The following KCNJ6 variants were observed in gnomAD, a reference collection of about 807,000 sequenced individuals.
KCNJ6 encodes potassium inwardly rectifying channel subfamily J member 6, also known as G protein-activated inward rectifier potassium channel 2.
KCNJ6 carries 9 observed loss-of-function variants against 34.2 expected under a neutral mutation model. The observed-to-expected ratio is 0.26, with a 90% confidence interval of 0.16 to 0.46. The LOEUF (loss-of-function observed/expected upper bound fraction) is 0.46. Among genes scored for constraint, KCNJ6 ranks in the 20% least tolerant of loss-of-function variants. The pLI is 1.00. For synonymous variants in KCNJ6, 196 were observed against 207.1 expected, an observed-to-expected ratio of 0.95 and a Z score of 0.46; for missense variants, 236 against 531.3, an observed-to-expected ratio of 0.44 and a Z score of 5.46.
At chr21:37,686,156 C>A (rs1047275563) in intron 3 of KCNJ6, among the ~76,000 whole-genome samples, 7 of 152,102 alleles carry the variant, frequency 4.6e-5, no homozygotes, top group African/African-American at 1.7e-4. Context: ...AATGTAAAAA[C>A]ACCCAAATTA....
At chr21:37,708,380 T>C (rs960574762) in intron 3 of KCNJ6, among the ~76,000 whole-genome samples, 1 of 152,180 alleles carries the variant, frequency 6.6e-6, no homozygotes, top group Non-Finnish European at 1.5e-5. Flanking sequence ...ATAGAGAGTT[T>C]ACCATATTTG....
intron 3 of KCNJ6, among the ~76,000 whole-genome samples, chr21:37,684,066 G>T (rs2054602314): frequency 6.6e-6 from 1 of 152,238 alleles, no homozygotes; most frequent in African/African-American, 2.4e-5. Context: ...CCCTATAATT[G>T]TTGTCTGAGT....
At chr21:37,875,229 T>G (rs1717095665) in intron 1 of KCNJ6, among the ~76,000 whole-genome samples, 1 of 152,188 alleles carries the variant, frequency 6.6e-6, no homozygotes, top group Non-Finnish European at 1.5e-5. Context: ...CAGGCATTAT[T>G]TTTGTAAAAT....
In KCNJ6 at chr21:37,607,490, T is replaced by TC. The variant is rs2054228399; in HGVS notation, c.*17668_*17669insG. On this transcript the variant is annotated 3_prime_UTR_variant, in exon 4 of 4. Coordinates refer to ENST00000609713, the MANE Select transcript of KCNJ6 (RefSeq NM_002240.5). ...TATATATATATATATATATTTTTTT[T>TC]TTATTTTAAAAAAATTTGGCATTGT... 1.3e-5 allele frequency: 1 copy of TC among 79,990 alleles called. No homozygotes were observed. Among genetic ancestry groups the TC allele is most frequent in the Non-Finnish European group, 2.6e-5 (1 of 37,868 alleles). The allele number at this position is 79,990 out of a possible 1,614,324, so 5.0% of individuals were successfully genotyped here. A position where few individuals can be genotyped will look rare whatever the true frequency, so the allele number is the denominator to read the frequency against.
chr21:37,853,846 G>GTGTGTATATATATATATATATATA (rs71198897), intron 1 of KCNJ6, among the ~76,000 whole-genome samples: 55 of 115,946 alleles, frequency 4.7e-4, no homozygotes, highest in Middle Eastern at 4.6e-3. Context: ...ATATATATAT[G>GTGTGTATATATATATATATATATA]TATATATATA....
chr21:37,825,545 A>G (rs976416848), intron 2 of KCNJ6, among the ~76,000 whole-genome samples: 3 of 151,884 alleles, frequency 2.0e-5, no homozygotes, highest in Non-Finnish European at 4.4e-5. Context: ...TTCTCTTACT[A>G]TTTTCTTACT....
intron 3 of KCNJ6, among the ~76,000 whole-genome samples, chr21:37,653,378 C>T (rs2054442822): frequency 6.6e-6 from 1 of 152,116 alleles, no homozygotes; most frequent in Admixed American, 6.5e-5. Flanking sequence ...TAGTTGCCAT[C>T]AATGCTGGTG....
rs575336883 is a variant in KCNJ6, at chr21:37,619,131, T to C, written c.*6028A>G. ...TCACAATGATTTGTTACATTGTTAC[T>C]TTTTTTTCTTTCTCATCTGATTTCC... On this transcript the variant is annotated 3_prime_UTR_variant, in exon 4 of 4. Transcript: ENST00000609713. The C allele has an allele frequency of 1.3e-5, 2 of 152,244 alleles. No individual in the cohort carries two copies. The highest frequency in any genetic ancestry group is 4.1e-4 in the South Asian group (2 of 4,820). The allele number at this position is 152,244 out of a possible 1,614,324, so 9.4% of individuals were successfully genotyped here.
At chr21:37,782,324 G>A (rs2055173318) in intron 2 of KCNJ6, among the ~76,000 whole-genome samples, 2 of 152,146 alleles carry the variant, frequency 1.3e-5, no homozygotes, top group South Asian at 4.1e-4. Flanking sequence ...CAAAATTTTT[G>A]TTGCTTTAAT....
intron 3 of KCNJ6, among the ~76,000 whole-genome samples, chr21:37,709,585 T>C (rs1401462099): frequency 1.3e-5 from 2 of 152,156 alleles, no homozygotes; most frequent in Non-Finnish European, 2.9e-5. Flanking sequence ...CGAATCATCA[T>C]GAATCAGCAG....
intron 2 of KCNJ6, among the ~76,000 whole-genome samples, chr21:37,748,256 T>C (rs1431164630): frequency 6.6e-6 from 1 of 152,206 alleles, no homozygotes; most frequent in Admixed American, 6.5e-5. Context: ...TTGTGATGTA[T>C]CTTGCACCTG....
At chr21:37,734,967 G>C (rs2054905226) in intron 2 of KCNJ6, among the ~76,000 whole-genome samples, 1 of 152,142 alleles carries the variant, frequency 6.6e-6, no homozygotes, top group African/African-American at 2.4e-5. Context: ...GAACGTTGGA[G>C]ATGGGCACAC....
intron 1 of KCNJ6, among the ~76,000 whole-genome samples, chr21:37,868,216 A>G (rs890041818): frequency 1.3e-5 from 2 of 152,230 alleles, no homozygotes; most frequent in Non-Finnish European, 2.9e-5. Context: ...GGAGGGTAGC[A>G]CATTCTCCTA....
Position 37,695,443 on chromosome 21 carries a change from G to T in KCNJ6, c.946+18768C>A, listed in dbSNP as rs2054659721. On this transcript the variant is annotated intron_variant, in intron 3 of 3. Coordinates refer to ENST00000609713, the MANE Select transcript of KCNJ6 (RefSeq NM_002240.5). The surrounding 1 kb of genome is among the most constrained non-coding windows in gnomAD (Gnocchi z 4.2). ...TTTTACATTATGCAGCTCAATAAAAGTAGTGGGCTTCTAAGTGTAGGGTGG... is the reference window on the plus strand; with the variant it reads ...TTTTACATTATGCAGCTCAATAAAATTAGTGGGCTTCTAAGTGTAGGGTGG... Among the ~76,000 whole-genome samples the T allele has an allele frequency of 6.6e-6, 1 of 152,214 alleles. No homozygotes were observed.
chr21:37,618,045 G>C lies in KCNJ6; in HGVS notation c.*7114C>G, dbSNP rs1406133658. On this transcript the variant is annotated 3_prime_UTR_variant, in exon 4 of 4. Coordinates refer to ENST00000609713, the MANE Select transcript of KCNJ6 (RefSeq NM_002240.5). ...GACCTCAGTGGGTGGGCATGGCTGAGGATTTTGTTCTGCCCAAGTCTGAGC... is the reference window on the plus strand; with the variant it reads ...GACCTCAGTGGGTGGGCATGGCTGACGATTTTGTTCTGCCCAAGTCTGAGC... 1 of 152,348 alleles carries C rather than the reference G, an allele frequency of 6.6e-6. No individual in the cohort carries two copies. The highest frequency in any genetic ancestry group is 6.5e-5 in the Admixed American group (1 of 15,284). The allele number at this position is 152,348 out of a possible 1,614,324, so 9.4% of individuals were successfully genotyped here.
At chr21:37,725,206 A>G (rs1484282518) in intron 2 of KCNJ6, among the ~76,000 whole-genome samples, 1 of 152,226 alleles carries the variant, frequency 6.6e-6, no homozygotes, top group Non-Finnish European at 1.5e-5. Context: ...CAACCTGGCC[A>G]ACATAGTGAA....
intron 2 of KCNJ6, among the ~76,000 whole-genome samples, chr21:37,817,153 C>T (rs1411411453): frequency 2.6e-5 from 4 of 152,184 alleles, no homozygotes; most frequent in East Asian, 3.9e-4. Context: ...CCTGGTAATA[C>T]ACACAAAGCT....
chr21:37,610,567 C>G lies in KCNJ6; in HGVS notation c.*14592G>C, dbSNP rs1267086743. The G allele has an allele frequency of 7.5e-6, 1 of 132,838 alleles. No homozygotes were observed. Among genetic ancestry groups the G allele is most frequent in the Non-Finnish European group, 1.5e-5 (1 of 65,396 alleles). 8.2% of individuals were successfully genotyped at this position (132,838 alleles called of 1,614,324 possible). ...TGAGCCAAGATCATGCCACTCTACTCCAGCCTGGGCAACAGAGTGAGACTC... is the reference window on the plus strand; with the variant it reads ...TGAGCCAAGATCATGCCACTCTACTGCAGCCTGGGCAACAGAGTGAGACTC... On this transcript the variant is annotated 3_prime_UTR_variant, in exon 4 of 4. Coordinates refer to ENST00000609713, the MANE Select transcript of KCNJ6 (RefSeq NM_002240.5).
chr21:37,718,437 A>T (rs970244758), intron 2 of KCNJ6, among the ~76,000 whole-genome samples: 14 of 151,956 alleles, frequency 9.2e-5, no homozygotes, highest in Admixed American at 6.5e-4. Flanking sequence ...GAGCAAAGAC[A>T]GAGAAAAGAA....
Sources: allele counts gnomAD v4.1 joint callset (sites outside exome capture counted in the v4.1 genomes callset), GRCh38; gene constraint gnomAD v4.1.1; non-coding constraint Gnocchi (gnomAD v3.1); transcripts MANE v1.5; gene names NCBI Gene and HGNC (gene_info 2026-07-23, HGNC 2026-07-21).